XYLT1: variants seen among roughly 807,000 people sequenced by gnomAD.
XYLT1 encodes xylosyltransferase 1, also known as beta-D-xylosyltransferase 1.
Under a neutral mutation model 91.3 loss-of-function variants are expected in XYLT1, and 36 were observed. That is an observed-to-expected ratio of 0.39 (90% CI 0.30 to 0.52). The LOEUF (loss-of-function observed/expected upper bound fraction) is 0.52. Among genes scored for constraint, XYLT1 ranks in the 20% least tolerant of loss-of-function variants. The pLI, the probability that XYLT1 is intolerant of heterozygous loss-of-function variation, is 0.68. For missense variants in XYLT1, 1,242 were observed against 1,284.5 expected (o/e 0.97, Z 0.51); for synonymous variants, 588 against 532.0 (o/e 1.11, Z -1.45).
At chr16:17,285,544 G>A (rs2034121806) in intron 2 of XYLT1, among the ~76,000 whole-genome samples, 1 of 152,154 alleles carries the variant, frequency 6.6e-6, no homozygotes, top group Non-Finnish European at 1.5e-5. Flanking sequence ...CTGTGCATGT[G>A]CCCAGACCAA....
chr16:17,143,176 C>T (rs1052466191), intron 6 of XYLT1, among the ~76,000 whole-genome samples: 8 of 152,142 alleles, frequency 5.3e-5, no homozygotes, highest in South Asian at 2.1e-4. Flanking sequence ...TTGGGCCAAA[C>T]GCTCAGTCCA....
intron 1 of XYLT1, among the ~76,000 whole-genome samples, chr16:17,361,780 A>G (rs1264250283): frequency 6.6e-6 from 1 of 152,232 alleles, no homozygotes; most frequent in East Asian, 1.9e-4. Flanking sequence ...CTGAAAATAC[A>G]TACAGTTTTC....
intron 4 of XYLT1, among the ~76,000 whole-genome samples, chr16:17,199,517 T>C (rs2032493003): frequency 6.6e-6 from 1 of 152,170 alleles, no homozygotes; most frequent in African/African-American, 2.4e-5. Context: ...TTTGGTTGTG[T>C]CCCCACCCAA....
chr16:17,299,130 C>G (rs2141808886), intron 2 of XYLT1, among the ~76,000 whole-genome samples: 1 of 152,258 alleles, frequency 6.6e-6, no homozygotes, highest in Non-Finnish European at 1.5e-5. Context: ...ACATGACAGG[C>G]ATTGGGTAAA....
intron 2 of XYLT1, among the ~76,000 whole-genome samples, chr16:17,296,840 C>A (rs1026792432): frequency 2.0e-5 from 3 of 152,212 alleles, no homozygotes; most frequent in African/African-American, 7.2e-5. Flanking sequence ...CTGACACAAA[C>A]CACCGGGGTT....
intron 3 of XYLT1, 44 bp from the exon 4 acceptor site, chr16:17,200,698 G>A: frequency 1.3e-6 from 2 of 1,594,412 alleles, no homozygotes; most frequent in Non-Finnish European, 1.7e-6. Flanking sequence ...GTGAGGCTCT[G>A]CCATCCTTTG....
intron 2 of XYLT1, among the ~76,000 whole-genome samples, chr16:17,338,972 G>A (rs1027738280): frequency 2.0e-5 from 3 of 152,162 alleles, no homozygotes; most frequent in African/African-American, 4.8e-5. Context: ...ATAACACTCC[G>A]CAAGGGAGAA....
At chr16:17,350,373 T>C (rs1210230397) in intron 2 of XYLT1, among the ~76,000 whole-genome samples, 1 of 152,178 alleles carries the variant, frequency 6.6e-6, no homozygotes, top group African/African-American at 2.4e-5. Context: ...CCCTGAGTCA[T>C]ACAGACTAGA....
At chr16:17,340,099 C>A (rs1458042963) in intron 2 of XYLT1, among the ~76,000 whole-genome samples, 2 of 151,984 alleles carry the variant, frequency 1.3e-5, no homozygotes, top group East Asian at 3.9e-4. Flanking sequence ...CATCTGCCCA[C>A]CCATCCACCC....
At chr16:17,291,181 T>C (rs965085901) in intron 2 of XYLT1, among the ~76,000 whole-genome samples, 2 of 152,304 alleles carry the variant, frequency 1.3e-5, no homozygotes, top group Admixed American at 6.5e-5. Flanking sequence ...TTATGACTTT[T>C]TTGTAGAGAA....
At chr16:17,321,254 C>A (rs557133809) in intron 2 of XYLT1, among the ~76,000 whole-genome samples, 59 of 151,498 alleles carry the variant, frequency 3.9e-4, no homozygotes, top group African/African-American at 1.4e-3. Flanking sequence ...GATCTCACAA[C>A]TGCCCACTGC....
At chr16:17,192,667 G>A (rs944401018) in intron 5 of XYLT1, among the ~76,000 whole-genome samples, 6 of 152,210 alleles carry the variant, frequency 3.9e-5, no homozygotes, top group South Asian at 2.1e-4. Flanking sequence ...CATGTCAACA[G>A]CAGAGCAGGA....
At chr16:17,419,353 C>CA (rs751794932) in intron 1 of XYLT1, among the ~76,000 whole-genome samples, 6 of 151,672 alleles carry the variant, frequency 4.0e-5, no homozygotes, top group African/African-American at 1.5e-4. Context: ...AAAACAAAAA[C>CA]AAAAAAAGAT....
At chr16:17,114,178 G>A (rs1409243559) in intron 11 of XYLT1, among the ~76,000 whole-genome samples, 2 of 152,254 alleles carry the variant, frequency 1.3e-5, no homozygotes, top group Non-Finnish European at 2.9e-5. Context: ...TCATTTGGCT[G>A]TTTATCTGCA....
rs757306653 is a variant in XYLT1, at chr16:17,141,333, C to T, written c.1407G>A (p.Leu469=). The change falls in exon 7 of 12, where the codon CTG becomes CTA. Residue 469 remains leucine (L), a synonymous_variant. Transcript: ENST00000261381. ...GGCGCCACATGTGAGCGTCGCACTC[C>T]AGGAAGAGCCGATCCAGGCCCTGCT... ...IRKQGLDRLF[L]ECDAHMWRLG... 1.2e-6 allele frequency: 2 copies of T among 1,614,176 alleles called. No individual in the cohort carries two copies. Among genetic ancestry groups the T allele is most frequent in the East Asian group, 4.5e-5 (2 of 44,866 alleles).
chr16:17,172,452 G>C (rs1567307035), intron 5 of XYLT1, among the ~76,000 whole-genome samples: 1 of 149,046 alleles, frequency 6.7e-6, no homozygotes, highest in Non-Finnish European at 1.5e-5. Flanking sequence ...ATGTGCCAAA[G>C]ACTGCGTTCA....
chr16:17,443,647 C>T (rs981461536), intron 1 of XYLT1, among the ~76,000 whole-genome samples: 4 of 152,176 alleles, frequency 2.6e-5, no homozygotes, highest in African/African-American at 9.7e-5. Context: ...TGAGAATGGA[C>T]TAATACAGCA....
chr16:17,117,625 A>G, intron 11 of XYLT1, 21 bp downstream of exon 11: 1 of 1,599,068 alleles, frequency 6.3e-7, no homozygotes, highest in Non-Finnish European at 8.5e-7. Context: ...TTTCTCCCAC[A>G]TAGACACTGG....
At chr16:17,187,202 G>C (rs965448296) in intron 5 of XYLT1, among the ~76,000 whole-genome samples, 2 of 151,782 alleles carry the variant, frequency 1.3e-5, no homozygotes, top group African/African-American at 4.8e-5. Flanking sequence ...GACCAGCCTG[G>C]CCAACAAGGC....
Sources: gnomAD v4.1 joint callset for allele counts (sites outside exome capture counted in the v4.1 genomes callset) on GRCh38, gnomAD v4.1.1 for gene constraint, MANE v1.5 for transcripts, NCBI Gene and HGNC (gene_info 2026-07-23, HGNC 2026-07-21) for gene names.